The following DDAH1 variants were observed in gnomAD, a reference collection of about 807,000 sequenced individuals.
DDAH1 encodes N(G),N(G)-dimethylarginine dimethylaminohydrolase 1.
DDAH1 carries 19 observed loss-of-function variants against 28.8 expected under a neutral mutation model. The ratio of observed to expected loss-of-function variants is 0.66; its 90% CI spans 0.46 to 0.97. DDAH1 has a LOEUF of 0.97. Among genes scored for constraint, DDAH1 ranks in the 50% least tolerant of loss-of-function variants. The pLI is 0.00. For missense variants in DDAH1, 326 were observed against 375.9 expected, an observed-to-expected ratio of 0.87 and a Z score of 1.10; for synonymous variants, 153 against 154.4, an observed-to-expected ratio of 0.99 and a Z score of 0.07.
intron 1 of DDAH1, chr1:85,447,660 T>C (rs1249976770): frequency 2.6e-5 from 4 of 152,152 alleles, no homozygotes; most frequent in Non-Finnish European, 5.9e-5. Flanking sequence ...AGCCTGGAGG[T>C]AGCTCCCGTT....
At chr1:85,375,662 T>C (rs1650623619) in intron 1 of DDAH1, among the ~76,000 whole-genome samples, 1 of 152,174 alleles carries the variant, frequency 6.6e-6, no homozygotes, top group South Asian at 2.1e-4. Flanking sequence ...AGTTTCATTC[T>C]ATGCAGTATT....
chr1:85,512,225 A>G (rs1557708969), intron 1 of DDAH1, among the ~76,000 whole-genome samples: 1 of 152,222 alleles, frequency 6.6e-6, no homozygotes, highest in African/African-American at 2.4e-5. Context: ...AATCCATCAC[A>G]TAAACAGAAC....
Position 85,482,619 on chromosome 1 carries a change from C to T in DDAH1, c.-7+13547G>A, listed in dbSNP as rs371120252. 8.0e-4 allele frequency: 122 copies of T among 152,304 alleles called. 1 individual carries two copies. Among genetic ancestry groups the T allele is most frequent in the African/African-American group, 2.9e-3 (120 of 41,576 alleles). The allele number at this position is 152,304 out of a possible 1,614,324, so 9.4% of individuals were successfully genotyped here. Reference sequence around the variant, plus strand: ...AGACCCAATAAATGAGGATGAAATACATAGTGCATGCTTAACAGACATTGC... The same window carrying T: ...AGACCCAATAAATGAGGATGAAATATATAGTGCATGCTTAACAGACATTGC... On this transcript the variant is annotated intron_variant, in intron 2 of 6. Transcript: ENST00000426972.
At chr1:85,462,225 T>C (rs1655153382) in intron 1 of DDAH1, among the ~76,000 whole-genome samples, 2 of 152,040 alleles carry the variant, frequency 1.3e-5, no homozygotes, top group Admixed American at 1.3e-4. Flanking sequence ...CTGGTGAGCT[T>C]CAGTGAAAGA....
In DDAH1 at chr1:85,531,881, G is replaced by C. The variant is rs1265242855; in HGVS notation, c.-122-35600C>G. ...ACCAATCTGCTTAAAGTCACACACAGCTAGAAAAAGGCAGGGCTGGAATTT... is the reference window on the plus strand; with the variant it reads ...ACCAATCTGCTTAAAGTCACACACACCTAGAAAAAGGCAGGGCTGGAATTT... On this transcript the variant is annotated intron_variant, in intron 1 of 6. Coordinates refer to the DDAH1 transcript ENST00000426972. 2.0e-5 allele frequency among the ~76,000 whole-genome samples: 3 copies of C among 150,730 alleles called. No homozygotes were observed. The East Asian group carries it at 5.8e-4, about 29-fold the overall frequency.
intron 1 of DDAH1, among the ~76,000 whole-genome samples, chr1:85,423,178 A>G (rs979492865): frequency 1.3e-5 from 2 of 152,180 alleles, no homozygotes; most frequent in African/African-American, 4.8e-5. Flanking sequence ...CCGTGACTTT[A>G]TAGGAAATCT....
At chr1:85,404,508 A>T in intron 1 of DDAH1, 1 of 1,444,892 alleles carries the variant, frequency 6.9e-7, no homozygotes, top group Non-Finnish European at 9.1e-7. Flanking sequence ...ACCCGGATTG[A>T]GCCATGGAGC....
chr1:85,326,948 G>C (rs1647443018), intron 4 of DDAH1, among the ~76,000 whole-genome samples: 1 of 152,146 alleles, frequency 6.6e-6, no homozygotes, highest in Admixed American at 6.5e-5. Context: ...TTTATAAAAT[G>C]GATATGCCCA....
At chr1:85,511,082 T>C (rs1024347435) in intron 1 of DDAH1, among the ~76,000 whole-genome samples, 3 of 152,202 alleles carry the variant, frequency 2.0e-5, no homozygotes, top group Admixed American at 6.5e-5. Context: ...TACTCCAAAA[T>C]TGAGCACATA....
At chr1:85,445,039 G>A (rs1354930818) in intron 1 of DDAH1, among the ~76,000 whole-genome samples, 1 of 152,124 alleles carries the variant, frequency 6.6e-6, no homozygotes, top group African/African-American at 2.4e-5. Flanking sequence ...GATGTAGGCT[G>A]GGAGCCTAGG....
At chr1:85,339,087 C>T (rs1396923517) in intron 4 of DDAH1, among the ~76,000 whole-genome samples, 44 of 151,384 alleles carry the variant, frequency 2.9e-4, no homozygotes, top group Admixed American at 2.9e-3. Flanking sequence ...GATCTTCACA[C>T]CTAACAGGTA....
intron 2 of DDAH1, among the ~76,000 whole-genome samples, chr1:85,492,134 G>T (rs139555045): frequency 2.7e-4 from 41 of 152,208 alleles, no homozygotes; most frequent in African/African-American, 9.1e-4. Context: ...AGCTTGACTG[G>T]CAGAATTCAG....
intron 2 of DDAH1, among the ~76,000 whole-genome samples, chr1:85,479,603 A>G (rs1353295981): frequency 6.6e-6 from 1 of 152,258 alleles, no homozygotes; most frequent in African/African-American, 2.4e-5. Context: ...CAGTGTTCAC[A>G]CAATCTGAAA....
chr1:85,466,789 A>G (rs150978061), upstream of DDAH1, among the ~76,000 whole-genome samples: 7 of 151,372 alleles, frequency 4.6e-5, no homozygotes, highest in African/African-American at 1.7e-4. Flanking sequence ...TGCCCTGGTT[A>G]AATATAAAAT....
intron 1 of DDAH1, among the ~76,000 whole-genome samples, chr1:85,552,560 A>C (rs1051534411): frequency 1.3e-5 from 2 of 152,068 alleles, no homozygotes; most frequent in Non-Finnish European, 2.9e-5. Context: ...TCTCATCATC[A>C]TTATATCTTC....
At chr1:85,511,418 T>C (rs978889868) in intron 1 of DDAH1, among the ~76,000 whole-genome samples, 3 of 151,954 alleles carry the variant, frequency 2.0e-5, no homozygotes, top group Non-Finnish European at 4.4e-5. Flanking sequence ...AAAATCGACA[T>C]CATAACATCA....
chr1:85,496,016 G>A, intron 2 of DDAH1: 1 of 156,760 alleles, frequency 6.4e-6, no homozygotes, highest in Non-Finnish European at 1.4e-5. Context: ...AAAATGTGAG[G>A]AAATGGATGT....
chr1:85,411,504 CTT>C (rs1652653409), intron 1 of DDAH1, among the ~76,000 whole-genome samples: 7 of 151,586 alleles, frequency 4.6e-5, no homozygotes, highest in African/African-American at 7.2e-5. Flanking sequence ...GTCCTTCTGT[CTT>C]CTACACCAAA....
chr1:85,415,005 CTTTTTTTTTT>C (rs71727580), intron 1 of DDAH1, among the ~76,000 whole-genome samples: 3 of 57,566 alleles, frequency 5.2e-5, no homozygotes, highest in Admixed American at 5.5e-4. Context: ...TCAAGTGTTG[CTTTTTTTTTT>C]TTTTTTTTTT....
Sources: gnomAD v4.1 joint callset for allele counts (sites outside exome capture counted in the v4.1 genomes callset) on GRCh38, gnomAD v4.1.1 for gene constraint, MANE v1.5 for transcripts, NCBI Gene and HGNC (gene_info 2026-07-23, HGNC 2026-07-21) for gene names.